BICC1: variants seen among roughly 807,000 people sequenced by gnomAD.
The protein encoded by BICC1 is BicC family RNA binding protein 1, also known as protein bicaudal C homolog 1.
A neutral mutation model predicts 111.0 loss-of-function variants in BICC1; 43 were observed. That is an observed-to-expected ratio of 0.39 (90% CI 0.30 to 0.50). The LOEUF is 0.50. BICC1 is among the 20% of genes least tolerant of loss of function. The pLI, the probability that BICC1 is intolerant of heterozygous loss-of-function variation, is 0.88. For missense variants in BICC1, 1,091 were observed against 1,203.2 expected, an observed-to-expected ratio of 0.91 and a Z score of 1.38; for synonymous variants, 467 against 434.4, an observed-to-expected ratio of 1.07 and a Z score of -0.93.
At chr10:58,592,715 A>G (rs1285084999) in intron 1 of BICC1, among the ~76,000 whole-genome samples, 1 of 139,130 alleles carries the variant, frequency 7.2e-6, no homozygotes, top group African/African-American at 2.7e-5. Flanking sequence ...ACTCCGTGTG[A>G]AAAAAAAAAA....
chr10:58,512,403 T>G (rs1186056507), upstream of BICC1, among the ~76,000 whole-genome samples: 1 of 152,070 alleles, frequency 6.6e-6, no homozygotes, highest in African/African-American at 2.4e-5. Context: ...GGGCTGTGAG[T>G]TTCAGGGTGT....
intron 1 of BICC1, among the ~76,000 whole-genome samples, chr10:58,592,875 C>CAA (rs969508229): frequency 5.1e-4 from 24 of 46,626 alleles, no homozygotes; most frequent in Admixed American, 1.4e-3. Flanking sequence ...GACTCCGTCT[C>CAA]AAAAAAAAAA....
At chr10:58,647,178 A>G (rs1838295512) in intron 2 of BICC1, among the ~76,000 whole-genome samples, 1 of 152,134 alleles carries the variant, frequency 6.6e-6, no homozygotes, top group Admixed American at 6.6e-5. Flanking sequence ...CTTGTTCGTA[A>G]ATACAGATTT....
chr10:58,520,046 C>T (rs1842349902), intron 1 of BICC1, among the ~76,000 whole-genome samples: 2 of 152,154 alleles, frequency 1.3e-5, no homozygotes, highest in African/African-American at 2.4e-5. Flanking sequence ...ATCTGGCCAA[C>T]AAAGCCAGAA....
chr10:58,706,459 C>G (rs1306469503), intron 3 of BICC1, among the ~76,000 whole-genome samples: 1 of 152,168 alleles, frequency 6.6e-6, no homozygotes, highest in Non-Finnish European at 1.5e-5. Context: ...TTCTCACAGT[C>G]TTCTTTTGCT....
chr10:58,652,090 A>G (rs1838467222), intron 2 of BICC1, among the ~76,000 whole-genome samples: 1 of 152,164 alleles, frequency 6.6e-6, no homozygotes, highest in Non-Finnish European at 1.5e-5. Flanking sequence ...ATTGATACTG[A>G]GAAGCAAGAG....
At chr10:58,658,117 C>G (rs1040063251) in intron 2 of BICC1, among the ~76,000 whole-genome samples, 5 of 152,170 alleles carry the variant, frequency 3.3e-5, no homozygotes, top group Admixed American at 2.0e-4. Flanking sequence ...GCACCTTGTG[C>G]AGAGATGTTC....
At chr10:58,769,298 A>G (rs913738239) in intron 3 of BICC1, among the ~76,000 whole-genome samples, 18 of 150,466 alleles carry the variant, frequency 1.2e-4, no homozygotes, top group Non-Finnish European at 2.2e-4. Context: ...ACACACACAC[A>G]CACACACACA....
At chr10:58,709,606 C>T (rs1333320578) in intron 3 of BICC1, among the ~76,000 whole-genome samples, 1 of 152,162 alleles carries the variant, frequency 6.6e-6, no homozygotes, top group Non-Finnish European at 1.5e-5. Flanking sequence ...AACAGTGGAA[C>T]CACTAATACA....
intron 2 of BICC1, among the ~76,000 whole-genome samples, chr10:58,693,943 A>G (rs927973364): frequency 7.2e-5 from 11 of 152,296 alleles, no homozygotes; most frequent in African/African-American, 2.6e-4. Flanking sequence ...GACCATGCCT[A>G]TGTCCTGAAT....
chr10:58,650,595 A>C (rs770690728), intron 2 of BICC1: 1 of 152,166 alleles, frequency 6.6e-6, no homozygotes. Flanking sequence ...CATTGGCTAC[A>C]CTATTCTTAT....
chr10:58,606,151 G>A (rs1256878067), intron 1 of BICC1, among the ~76,000 whole-genome samples: 1 of 151,884 alleles, frequency 6.6e-6, no homozygotes, highest in Non-Finnish European at 1.5e-5. Context: ...CTGTCATCAT[G>A]GAATTTGCTC....
At chr10:58,538,120 A>G (rs572044810) in intron 1 of BICC1, among the ~76,000 whole-genome samples, 2 of 152,048 alleles carry the variant, frequency 1.3e-5, no homozygotes, top group South Asian at 4.1e-4. Flanking sequence ...TAGAAAAAAA[A>G]TCATAAAATT....
chr10:58,529,852 G>A (rs530770405), intron 1 of BICC1, among the ~76,000 whole-genome samples: 3 of 151,860 alleles, frequency 2.0e-5, no homozygotes, highest in African/African-American at 4.8e-5. Flanking sequence ...TCTAAATAGA[G>A]CATATTTGAC....
At chr10:58,726,297 C>T (rs1055529221) in intron 3 of BICC1, among the ~76,000 whole-genome samples, 2 of 152,194 alleles carry the variant, frequency 1.3e-5, no homozygotes, top group Non-Finnish European at 2.9e-5. Flanking sequence ...ATTGAACACT[C>T]ACCTAGTCAG....
intron 19 of BICC1, among the ~76,000 whole-genome samples, chr10:58,819,796 C>G (rs1193007123): frequency 6.6e-6 from 1 of 152,068 alleles, no homozygotes; most frequent in Non-Finnish European, 1.5e-5. Context: ...GGTGGGGGAT[C>G]CTTGGGCAGT....
chr10:58,576,702 T>G (rs1844122837), intron 1 of BICC1, among the ~76,000 whole-genome samples: 1 of 152,212 alleles, frequency 6.6e-6, no homozygotes, highest in African/African-American at 2.4e-5. Context: ...CAAAATATAC[T>G]GTTTAAAAGG....
At chr10:58,558,678 A>G (rs1488097684) in intron 1 of BICC1, among the ~76,000 whole-genome samples, 1 of 152,102 alleles carries the variant, frequency 6.6e-6, no homozygotes, top group East Asian at 1.9e-4. Flanking sequence ...CTTAGTTCAC[A>G]GGTGCTGCTG....
Position 58,773,648 on chromosome 10 carries a change from C to T in BICC1, c.308-11353C>T, listed in dbSNP as rs1842676403. Among the ~76,000 whole-genome samples, 3 of 152,228 alleles carry T rather than the reference C, an allele frequency of 2.0e-5. No homozygotes were observed. In the South Asian group the frequency reaches 6.2e-4, roughly 31 times the overall value. On this transcript the variant is annotated intron_variant, in intron 3 of 20. Transcript: ENST00000373886. ...GCCACTGCCAGGGGTGCTGGTCCAG[C>T]TTGCTGGGCACGAAGCAGGGCAGAG...
Sources: allele counts gnomAD v4.1 joint callset (sites outside exome capture counted in the v4.1 genomes callset), GRCh38; gene constraint gnomAD v4.1.1; transcripts MANE v1.5; gene names NCBI Gene and HGNC (gene_info 2026-07-23, HGNC 2026-07-21).